Variants in ULK4 observed in about 807,000 individuals in gnomAD.
ULK4 encodes inactive serine/threonine-protein kinase ULK4.
A neutral mutation model predicts 160.6 loss-of-function variants in ULK4; 133 were observed. The ratio of observed to expected loss-of-function variants is 0.83; its 90% CI spans 0.72 to 0.96. ULK4 has a LOEUF of 0.96. ULK4 is among the 40% of genes least tolerant of loss of function. ULK4 has a pLI of 0.00. For synonymous variants in ULK4, 534 were observed against 539.8 expected, an observed-to-expected ratio of 0.99 and a Z score of 0.15; for missense variants, 1,580 against 1,499.5, an observed-to-expected ratio of 1.05 and a Z score of -0.89.
At chr3:41,596,051 G>A (rs2031667784) in intron 31 of ULK4, among the ~76,000 whole-genome samples, 1 of 152,158 alleles carries the variant, frequency 6.6e-6, no homozygotes, top group Admixed American at 6.5e-5. Context: ...ACAAGTAGAT[G>A]ACTTGGTTTG....
At chr3:41,390,234 T>G (rs1033131950) in intron 35 of ULK4, among the ~76,000 whole-genome samples, 3 of 152,216 alleles carry the variant, frequency 2.0e-5, no homozygotes, top group African/African-American at 7.2e-5. Flanking sequence ...TTGTCATTTT[T>G]TATTGTGTCT....
At chr3:41,448,227 G>C (rs531599529) in intron 34 of ULK4, among the ~76,000 whole-genome samples, 1 of 152,088 alleles carries the variant, frequency 6.6e-6, no homozygotes, top group East Asian at 1.9e-4. Context: ...TTAGGACTAG[G>C]AGGCTGGGGA....
At chr3:41,928,833 T>C (rs1173528927) in intron 5 of ULK4, among the ~76,000 whole-genome samples, 1 of 152,042 alleles carries the variant, frequency 6.6e-6, no homozygotes, top group East Asian at 1.9e-4. Context: ...GTTCTGAAAT[T>C]GAGGCAGTAA....
chr3:41,784,633 A>G (rs1379677764), intron 21 of ULK4, among the ~76,000 whole-genome samples: 2 of 152,086 alleles, frequency 1.3e-5, no homozygotes, highest in African/African-American at 2.4e-5. Context: ...ATCATTTTAA[A>G]GATGATGACA....
chr3:41,660,400 A>G (rs963200190), intron 30 of ULK4, among the ~76,000 whole-genome samples: 2 of 152,234 alleles, frequency 1.3e-5, no homozygotes, highest in African/African-American at 4.8e-5. Context: ...ATGAGGAAAG[A>G]ACAGAATAAA....
intron 32 of ULK4, among the ~76,000 whole-genome samples, chr3:41,538,466 C>T (rs745824902): frequency 2.6e-5 from 4 of 152,072 alleles, no homozygotes; most frequent in East Asian, 1.9e-4. Flanking sequence ...TTTGTTATTA[C>T]GTCATGACTT....
intron 31 of ULK4, among the ~76,000 whole-genome samples, chr3:41,576,333 C>A (rs1239986634): frequency 6.6e-6 from 1 of 152,188 alleles, no homozygotes; most frequent in Non-Finnish European, 1.5e-5. Context: ...TGCCTGCCTG[C>A]ATCACTGTGG....
At chr3:41,666,124 CA>C (rs773693527) in intron 29 of ULK4, among the ~76,000 whole-genome samples, 12 of 152,160 alleles carry the variant, frequency 7.9e-5, no homozygotes, top group Non-Finnish European at 1.0e-4. Context: ...CAGAGAAGCT[CA>C]CCTGAGCCTT....
At chr3:41,474,626 C>T (rs1282625263) in intron 32 of ULK4, among the ~76,000 whole-genome samples, 4 of 151,526 alleles carry the variant, frequency 2.6e-5, no homozygotes, top group African/African-American at 9.7e-5. Flanking sequence ...GGTTAATATA[C>T]AAAATATATA....
chr3:41,636,657 C>A (rs2033962012), intron 30 of ULK4, among the ~76,000 whole-genome samples: 1 of 151,284 alleles, frequency 6.6e-6, no homozygotes, highest in South Asian at 2.1e-4. Flanking sequence ...GCACAATGTG[C>A]AGGTTAGTTA....
chr3:41,753,477 A>G (rs1171167759), intron 22 of ULK4, among the ~76,000 whole-genome samples: 1 of 152,226 alleles, frequency 6.6e-6, no homozygotes, highest in Non-Finnish European at 1.5e-5. Context: ...CACGGATCAG[A>G]TGGTTCAGAA....
chr3:41,935,392 A>T (rs972386141), intron 4 of ULK4, among the ~76,000 whole-genome samples: 1 of 151,648 alleles, frequency 6.6e-6, no homozygotes, highest in Non-Finnish European at 1.5e-5. Flanking sequence ...ACGCCCAGCT[A>T]AATTTGTATT....
intron 31 of ULK4, among the ~76,000 whole-genome samples, chr3:41,566,506 G>A (rs2087788592): frequency 6.6e-6 from 1 of 152,168 alleles, no homozygotes; most frequent in Non-Finnish European, 1.5e-5. Flanking sequence ...AAATATTTAT[G>A]CAGTTTCAAT....
chr3:41,602,185 CTCTG>C (rs919265458), intron 31 of ULK4, among the ~76,000 whole-genome samples: 1 of 148,262 alleles, frequency 6.7e-6, no homozygotes, highest in African/African-American at 2.5e-5. Context: ...CAGAGCAAGA[CTCTG>C]TCTGTAAGAA....
At chr3:41,498,636 C>T (rs1477684669) in intron 32 of ULK4, among the ~76,000 whole-genome samples, 9 of 150,080 alleles carry the variant, frequency 6.0e-5, no homozygotes, top group Non-Finnish European at 1.2e-4. Context: ...CACTGTGTTG[C>T]CCAGGCTGGA....
chr3:41,843,469 T>C (rs1364173790), intron 17 of ULK4, among the ~76,000 whole-genome samples: 2 of 152,132 alleles, frequency 1.3e-5, no homozygotes, highest in African/African-American at 4.8e-5. Context: ...TGTTCGGATG[T>C]ATTTGGAGTT....
chr3:41,734,522 G>A (rs1438011495), intron 22 of ULK4, among the ~76,000 whole-genome samples: 1 of 152,110 alleles, frequency 6.6e-6, no homozygotes, highest in Non-Finnish European at 1.5e-5. Context: ...TCAGCACATA[G>A]GTAGTGTTTG....
rs1700252232 is a variant in ULK4, at chr3:41,950,446, T to C, written c.138+4176A>G. Among the ~76,000 whole-genome samples, 3 of 152,174 alleles carry C rather than the reference T, an allele frequency of 2.0e-5. 1 individual carries two copies. The South Asian group carries it at 6.2e-4, about 31-fold the overall frequency. ...TTAGTAGAGACAGGGTTTCACCGTG[T>C]TGGACAGGCTGGTCTTGAACTCCAG... On this transcript the variant is annotated intron_variant, in intron 2 of 36. Coordinates refer to ENST00000301831, the MANE Select transcript of ULK4 (RefSeq NM_017886.4).
At chr3:41,657,927 C>T (rs1256405594) in intron 30 of ULK4, among the ~76,000 whole-genome samples, 1 of 151,726 alleles carries the variant, frequency 6.6e-6, no homozygotes, top group Non-Finnish European at 1.5e-5. Context: ...GTGACATTCC[C>T]CAGCATTAGG....
Sources: gnomAD v4.1 joint callset for allele counts (sites outside exome capture counted in the v4.1 genomes callset) on GRCh38, gnomAD v4.1.1 for gene constraint, MANE v1.5 for transcripts, NCBI Gene and HGNC (gene_info 2026-07-23, HGNC 2026-07-21) for gene names.